GRID2: variants seen among roughly 807,000 people sequenced by gnomAD.
The protein encoded by GRID2 is glutamate receptor ionotropic, delta-2.
In GRID2, 33 loss-of-function variants were observed where a neutral mutation model predicts 114.8. That is an observed-to-expected ratio of 0.29 (90% confidence interval 0.22 to 0.38). The LOEUF (loss-of-function observed/expected upper bound fraction) is 0.38, where lower values mean the gene tolerates loss of function less well. Ranked by LOEUF, GRID2 falls within the 10% of genes least tolerant of loss-of-function variation. The pLI is 1.00. For synonymous variants in GRID2, 505 were observed against 449.9 expected (o/e 1.12, Z -1.55); for missense variants, 1,184 against 1,257.7 (o/e 0.94, Z 0.89).
At chr4:92,883,395 G>A (rs1234118185) in intron 2 of GRID2, among the ~76,000 whole-genome samples, 2 of 152,016 alleles carry the variant, frequency 1.3e-5, no homozygotes, top group Non-Finnish European at 2.9e-5. Flanking sequence ...ATGAGGGTTG[G>A]AATAAACTTC....
chr4:93,092,002 C>T (rs1730834949), intron 3 of GRID2, among the ~76,000 whole-genome samples: 1 of 152,106 alleles, frequency 6.6e-6, no homozygotes, highest in East Asian at 1.9e-4. Context: ...ACAGAAATCA[C>T]CCAAGATGAT....
chr4:92,730,198 A>G (rs1249580427), intron 2 of GRID2, among the ~76,000 whole-genome samples: 1 of 151,858 alleles, frequency 6.6e-6, no homozygotes, highest in Non-Finnish European at 1.5e-5. Context: ...ATACTCCTCA[A>G]CAATGTTTGC....
intron 8 of GRID2, among the ~76,000 whole-genome samples, chr4:93,370,720 A>G (rs1413473947): frequency 6.6e-6 from 1 of 152,004 alleles, no homozygotes; most frequent in Non-Finnish European, 1.5e-5. Flanking sequence ...ACACATCTTC[A>G]TAGCTCCTTA....
chr4:93,615,329 T>G (rs555201469), intron 13 of GRID2, among the ~76,000 whole-genome samples: 254 of 152,314 alleles, frequency 1.7e-3, no homozygotes, highest in Non-Finnish European at 2.9e-3. Context: ...TCTGAAGCAC[T>G]TTGGATGTTA....
At chr4:93,114,194 G>A (rs1343253510) in intron 4 of GRID2, among the ~76,000 whole-genome samples, 3 of 152,126 alleles carry the variant, frequency 2.0e-5, no homozygotes, top group Non-Finnish European at 2.9e-5. Context: ...ATGAAGCTCT[G>A]CCAGGGGACT....
chr4:92,431,441 G>C (rs1382286241), intron 1 of GRID2, among the ~76,000 whole-genome samples: 4 of 151,796 alleles, frequency 2.6e-5, no homozygotes, highest in African/African-American at 9.7e-5. Flanking sequence ...TGCATCTCTG[G>C]GATAAACCCA....
intron 2 of GRID2, among the ~76,000 whole-genome samples, chr4:92,960,142 C>A (rs1214181747): frequency 6.6e-6 from 1 of 151,866 alleles, no homozygotes; most frequent in East Asian, 1.9e-4. Context: ...TTGTTTGATT[C>A]CTATTCTTTC....
At chr4:92,815,779 G>T (rs1740865948) in intron 2 of GRID2, among the ~76,000 whole-genome samples, 1 of 151,024 alleles carries the variant, frequency 6.6e-6, no homozygotes, top group South Asian at 2.1e-4. Context: ...AAACTAACTG[G>T]GCATTGTGGT....
At chr4:93,707,095 A>G (rs551195178) in intron 14 of GRID2, among the ~76,000 whole-genome samples, 7 of 151,958 alleles carry the variant, frequency 4.6e-5, no homozygotes, top group Admixed American at 4.6e-4. Context: ...GTGTTGTTGA[A>G]CTCAGTTTGC....
At chr4:92,435,406 G>T (rs1318744460) in intron 1 of GRID2, among the ~76,000 whole-genome samples, 1 of 152,192 alleles carries the variant, frequency 6.6e-6, no homozygotes, top group Non-Finnish European at 1.5e-5. Flanking sequence ...AGATAGATGT[G>T]CCTTTTACAG....
intron 5 of GRID2, among the ~76,000 whole-genome samples, chr4:93,209,893 T>G (rs1306179843): frequency 6.6e-6 from 1 of 152,066 alleles, no homozygotes; most frequent in Non-Finnish European, 1.5e-5. Context: ...GATCATATGA[T>G]GTATTATTTT....
At chr4:93,064,645 A>T (rs555553997) in intron 2 of GRID2, among the ~76,000 whole-genome samples, 1 of 152,024 alleles carries the variant, frequency 6.6e-6, no homozygotes, top group East Asian at 1.9e-4. Context: ...TAACTAAAAG[A>T]TTGGGTTTAA....
chr4:93,426,967 T>A (rs74545872), intron 10 of GRID2, among the ~76,000 whole-genome samples: 188 of 152,012 alleles, frequency 1.2e-3, no homozygotes, highest in African/African-American at 4.4e-3. Context: ...AAAGACTTAG[T>A]TGGAGTAGAT....
At chr4:92,669,874 T>C (rs985974060) in intron 2 of GRID2, among the ~76,000 whole-genome samples, 4 of 152,056 alleles carry the variant, frequency 2.6e-5, no homozygotes, top group African/African-American at 7.2e-5. Flanking sequence ...TATCTGAGCT[T>C]CAATTGACTA....
At chr4:93,071,557 A>T (rs925732119) in intron 2 of GRID2, among the ~76,000 whole-genome samples, 1 of 152,154 alleles carries the variant, frequency 6.6e-6, no homozygotes, top group African/African-American at 2.4e-5. Context: ...GATGCTAATG[A>T]GTGGGGCTGC....
intron 14 of GRID2, among the ~76,000 whole-genome samples, chr4:93,633,708 T>G (rs1219433453): frequency 1.3e-5 from 2 of 152,016 alleles, no homozygotes; most frequent in Non-Finnish European, 2.9e-5. Flanking sequence ...AGAAAAAAAA[T>G]CTAAGAAGAA....
At chr4:92,943,989 C>A (rs545464279) in intron 2 of GRID2, among the ~76,000 whole-genome samples, 1 of 152,282 alleles carries the variant, frequency 6.6e-6, no homozygotes, top group South Asian at 2.1e-4. Context: ...TATCAGTCTG[C>A]CCCTACTGGG....
intron 2 of GRID2, among the ~76,000 whole-genome samples, chr4:93,071,524 G>T (rs1341536476): frequency 1.3e-5 from 2 of 152,058 alleles, no homozygotes; most frequent in Non-Finnish European, 2.9e-5. Flanking sequence ...ATTAAGTAAG[G>T]TCAGGACATA....
chr4:93,384,803 C>T (rs1339182415), intron 8 of GRID2, among the ~76,000 whole-genome samples: 7 of 152,086 alleles, frequency 4.6e-5, no homozygotes, highest in East Asian at 1.9e-4. Context: ...TTTTAAAATA[C>T]GCCTGACTTT....
Sources: allele counts gnomAD v4.1 joint callset (sites outside exome capture counted in the v4.1 genomes callset), GRCh38; gene constraint gnomAD v4.1.1; transcripts MANE v1.5; gene names NCBI Gene and HGNC (gene_info 2026-07-23, HGNC 2026-07-21).